Variants in VWA3B observed in about 807,000 individuals in gnomAD.
VWA3B encodes von Willebrand factor A domain-containing protein 3B.
A neutral mutation model predicts 158.3 loss-of-function variants in VWA3B; 138 were observed. The observed-to-expected ratio is 0.87, with a 90% CI of 0.76 to 1.00. The LOEUF is 1.00. Ranked by LOEUF, VWA3B falls within the 50% of genes least tolerant of loss-of-function variation. The probability of loss-of-function intolerance (pLI) is 0.00; values close to 1 mark genes in which losing one functional copy is unlikely to be tolerated. For missense variants in VWA3B, 1,555 were observed against 1,565.1 expected (o/e 0.99, Z 0.11); for synonymous variants, 596 against 587.3 (o/e 1.01, Z -0.21).
At chr2:98,191,533 A>C (rs1274657490) in intron 10 of VWA3B, among the ~76,000 whole-genome samples, 1 of 152,216 alleles carries the variant, frequency 6.6e-6, no homozygotes, top group Non-Finnish European at 1.5e-5. Flanking sequence ...GTTAGAATAG[A>C]TCTAGGGTCG....
intron 9 of VWA3B, among the ~76,000 whole-genome samples, chr2:98,187,255 C>T (rs1040604633): frequency 1.3e-5 from 2 of 152,136 alleles, no homozygotes; most frequent in African/African-American, 4.8e-5. Context: ...TCATGATTTG[C>T]TTATTACTGG....
chr2:98,278,505 C>T (rs1454083614), intron 22 of VWA3B, among the ~76,000 whole-genome samples: 1 of 152,138 alleles, frequency 6.6e-6, no homozygotes, highest in African/African-American at 2.4e-5. Context: ...ATGGTAAATA[C>T]AGGGAATTTT....
chr2:98,127,331 G>A (rs953576708), intron 5 of VWA3B, among the ~76,000 whole-genome samples: 4 of 152,146 alleles, frequency 2.6e-5, no homozygotes, highest in African/African-American at 9.7e-5. Flanking sequence ...CTTTTAACAA[G>A]GGAAGACACT....
intron 1 of VWA3B, among the ~76,000 whole-genome samples, chr2:98,092,818 A>ATGTG (rs1308241609): frequency 2.5e-5 from 1 of 40,600 alleles, no homozygotes; most frequent in East Asian, 8.5e-4. Context: ...ATGTTTTTGT[A>ATGTG]TATATATATA....
chr2:98,214,832 A>C lies in VWA3B; in HGVS notation c.1836+2804A>C, dbSNP rs78185389. ...CAATCTTGCCAAAGGAACTCTGTGC[A>C]TATATTGGTTTGCCTGTGAGTGAGT... On this transcript the variant is annotated intron_variant, in intron 13 of 27. Transcript: ENST00000477737. Among the ~76,000 whole-genome samples, 1,045 of 152,290 alleles carry C rather than the reference A, an allele frequency of 6.9e-3. 9 individuals carry two copies. Among genetic ancestry groups the C allele is most frequent in the African/African-American group, 0.024 (996 of 41,548 alleles).
At chr2:98,283,045 C>T (rs184021740) in intron 22 of VWA3B, among the ~76,000 whole-genome samples, 1 of 152,322 alleles carries the variant, frequency 6.6e-6, no homozygotes, top group East Asian at 1.9e-4. Flanking sequence ...CAGATTTATA[C>T]CTTTAAACCC....
At chr2:98,194,809 A>T (rs1039092335) in intron 12 of VWA3B, among the ~76,000 whole-genome samples, 8 of 151,756 alleles carry the variant, frequency 5.3e-5, no homozygotes, top group African/African-American at 1.9e-4. Context: ...AGACATTCAG[A>T]TTTTTTTCTT....
intron 17 of VWA3B, among the ~76,000 whole-genome samples, chr2:98,236,170 C>G (rs910035493): frequency 6.6e-6 from 1 of 152,156 alleles, no homozygotes; most frequent in Non-Finnish European, 1.5e-5. Context: ...TGTCTCAAAA[C>G]AGTGGTAGTG....
chr2:98,304,729 C>T (rs1690410699), intron 26 of VWA3B, among the ~76,000 whole-genome samples: 1 of 152,072 alleles, frequency 6.6e-6, no homozygotes, highest in African/African-American at 2.4e-5. Flanking sequence ...CATCAGTGAT[C>T]CCTGGATTCT....
intron 20 of VWA3B, among the ~76,000 whole-genome samples, chr2:98,255,871 T>TA (rs1377491328): frequency 6.6e-6 from 1 of 152,186 alleles, no homozygotes; most frequent in African/African-American, 2.4e-5. Flanking sequence ...CAACTGCCTT[T>TA]ACTCAGTCTG....
chr2:98,126,970 G>GC (rs911547253), intron 5 of VWA3B, among the ~76,000 whole-genome samples: 5 of 125,758 alleles, frequency 4.0e-5, no homozygotes, highest in Middle Eastern at 4.6e-3. Flanking sequence ...GAGGACTCCC[G>GC]CCCCCCACCC....
rs754183692 is a variant in VWA3B at position 98,290,461 on chromosome 2, C to A, written c.3046-50C>A. 22 of 1,335,460 alleles carry A rather than the reference C, an allele frequency of 1.6e-5. No homozygotes were observed. In the African/African-American group the frequency reaches 2.6e-4, roughly 16 times the overall value. The allele number at this position is 1,335,460 out of a possible 1,614,324, so 82.7% of individuals were successfully genotyped here. On this transcript the variant is annotated intron_variant, in intron 22 of 27. Transcript: ENST00000477737. ...GCTACCCAGTATTTATCATTTTCAG[C>A]ATCTGCATTCACTTTTTCTCATCAA...
chr2:98,324,805 A>T, the VWA3B span, among the ~76,000 whole-genome samples: 108 of 152,342 alleles, frequency 7.1e-4, 1 homozygote, highest in African/African-American at 2.5e-3. Context: ...CATGGCAGCT[A>T]TAATAACTAT....
chr2:98,166,224 C>A (rs1001467800), intron 8 of VWA3B, among the ~76,000 whole-genome samples: 1 of 152,124 alleles, frequency 6.6e-6, no homozygotes, highest in Non-Finnish European at 1.5e-5. Context: ...TTAATCCCAG[C>A]CACTCAGGAG....
intron 5 of VWA3B, among the ~76,000 whole-genome samples, 176 bp downstream of exon 5, chr2:98,121,634 C>T (rs551666631): frequency 1.3e-3 from 192 of 152,230 alleles, no homozygotes; most frequent in Non-Finnish European, 2.4e-3. Flanking sequence ...CCAAATGAGG[C>T]CCCTGAATAC....
At chr2:98,214,212 A>AT (rs1223364872) in intron 13 of VWA3B, among the ~76,000 whole-genome samples, 43 of 151,490 alleles carry the variant, frequency 2.8e-4, no homozygotes, top group African/African-American at 8.7e-4. Context: ...CAAAAAAAAA[A>AT]GCAAAACACA....
intron 8 of VWA3B, among the ~76,000 whole-genome samples, chr2:98,175,636 G>A (rs1316032916): frequency 1.3e-5 from 2 of 152,214 alleles, no homozygotes; most frequent in African/African-American, 4.8e-5. Flanking sequence ...GGATGGGGGA[G>A]AGAGAGAAAG....
At chr2:98,209,613 A>C (rs2105530468) in intron 12 of VWA3B, among the ~76,000 whole-genome samples, 1 of 152,160 alleles carries the variant, frequency 6.6e-6, no homozygotes, top group South Asian at 2.1e-4. Flanking sequence ...ATTACTTTTT[A>C]AATGCTTTTT....
chr2:98,186,447 A>G (rs991516812), intron 9 of VWA3B, among the ~76,000 whole-genome samples: 1 of 151,988 alleles, frequency 6.6e-6, no homozygotes, highest in Admixed American at 6.6e-5. Flanking sequence ...TGCTACCTGG[A>G]TGTCTAATAG....
Sources: allele counts gnomAD v4.1 joint callset (sites outside exome capture counted in the v4.1 genomes callset), GRCh38; gene constraint gnomAD v4.1.1; transcripts MANE v1.5; gene names NCBI Gene and HGNC (gene_info 2026-07-23, HGNC 2026-07-21).